The following TCF12 variants were observed in gnomAD, a reference collection of about 807,000 sequenced individuals.
The protein encoded by TCF12 is transcription factor 12.
A neutral mutation model predicts 86.0 loss-of-function variants in TCF12; 45 were observed. That is an observed-to-expected ratio of 0.52 (90% CI 0.41 to 0.67). TCF12 has a LOEUF of 0.67. Ranked by LOEUF, TCF12 falls within the 30% of genes least tolerant of loss-of-function variation. The pLI, the probability that TCF12 is intolerant of heterozygous loss-of-function variation, is 0.00. For missense variants in TCF12, 881 were observed against 859.9 expected, an observed-to-expected ratio of 1.02 and a Z score of -0.31; for synonymous variants, 330 against 299.6, an observed-to-expected ratio of 1.10 and a Z score of -1.05.
chr15:56,933,950 A>G (rs1234334251), intron 3 of TCF12, among the ~76,000 whole-genome samples: 1 of 151,962 alleles, frequency 6.6e-6, no homozygotes, highest in Non-Finnish European at 1.5e-5. Flanking sequence ...TAATATTTGT[A>G]TATAATTCAT....
At position 57,106,166 on chromosome 15, in the gene TCF12, A is replaced by G. The variant is rs181859019; in HGVS notation, c.325+14275A>G. On this transcript the variant is annotated intron_variant, in intron 5 of 20. Coordinates refer to ENST00000333725, the MANE Select transcript of TCF12 (RefSeq NM_207037.2). ...CTTGTTCTAATTTGTGTTAGAAATG[A>G]TACATATCTAAATGCAATGTGGTAT... 2.8e-4 allele frequency among the ~76,000 whole-genome samples: 42 copies of G among 152,340 alleles called. No homozygotes were observed. In the East Asian group the frequency reaches 7.3e-3, roughly 27 times the overall value.
At chr15:56,946,059 T>G (rs1309202247) in intron 3 of TCF12, among the ~76,000 whole-genome samples, 1 of 152,210 alleles carries the variant, frequency 6.6e-6, no homozygotes, top group African/African-American at 2.4e-5. Context: ...TTTCTCAGTC[T>G]CACGTACTCT....
intron 6 of TCF12, among the ~76,000 whole-genome samples, chr15:57,178,416 C>T (rs191938097): frequency 5.3e-5 from 8 of 152,062 alleles, no homozygotes; most frequent in Non-Finnish European, 1.2e-4. Context: ...CTTAATTATA[C>T]TTACAAAAAT....
At chr15:57,029,816 G>A (rs115969432) in intron 3 of TCF12, among the ~76,000 whole-genome samples, 1,653 of 152,188 alleles carry the variant, frequency 0.011, 31 homozygotes, top group African/African-American at 0.037. Flanking sequence ...GCGTATAAAT[G>A]TAATAATACA....
At chr15:57,099,818 A>G (rs1255168491) in intron 5 of TCF12, among the ~76,000 whole-genome samples, 3 of 152,014 alleles carry the variant, frequency 2.0e-5, no homozygotes, top group Admixed American at 2.0e-4. Context: ...TGATCAAAGC[A>G]ATCAACTGTG....
At chr15:57,174,416 G>C (rs2055759475) in intron 6 of TCF12, among the ~76,000 whole-genome samples, 1 of 152,146 alleles carries the variant, frequency 6.6e-6, no homozygotes, top group Admixed American at 6.5e-5. Flanking sequence ...TCCTCAATTT[G>C]ATAAAAGACA....
intron 19 of TCF12, among the ~76,000 whole-genome samples, chr15:57,280,439 A>T (rs1389177665): frequency 6.6e-6 from 1 of 152,168 alleles, no homozygotes; most frequent in Non-Finnish European, 1.5e-5. Context: ...CTAAAATGAA[A>T]TTTTATTAGT....
At chr15:56,997,481 G>A (rs1171018110) in intron 3 of TCF12, among the ~76,000 whole-genome samples, 1 of 152,160 alleles carries the variant, frequency 6.6e-6, no homozygotes, top group Non-Finnish European at 1.5e-5. Flanking sequence ...GGGAGGAAGG[G>A]AAAGGAGTAA....
intron 5 of TCF12, among the ~76,000 whole-genome samples, chr15:57,112,098 TC>T (rs2050531778): frequency 6.6e-6 from 1 of 152,178 alleles, no homozygotes; most frequent in Non-Finnish European, 1.5e-5. Flanking sequence ...CTGCCCCTCA[TC>T]CGTCTTAAGA....
chr15:57,229,525 G>A (rs1333693485), intron 8 of TCF12, among the ~76,000 whole-genome samples: 1 of 151,334 alleles, frequency 6.6e-6, no homozygotes, highest in Non-Finnish European at 1.5e-5. Context: ...AAAGTCACCT[G>A]TGCTAGTATT....
chr15:57,113,157 C>A (rs910912790), intron 5 of TCF12, among the ~76,000 whole-genome samples: 1 of 152,142 alleles, frequency 6.6e-6, no homozygotes, highest in Non-Finnish European at 1.5e-5. Context: ...ACACTCTGGC[C>A]ATATCCCCGT....
chr15:57,098,325 C>T (rs1448717785), intron 5 of TCF12, among the ~76,000 whole-genome samples: 1 of 152,158 alleles, frequency 6.6e-6, no homozygotes, highest in African/African-American at 2.4e-5. Flanking sequence ...TTTGTTTCAT[C>T]TGCTGCCTTT....
At chr15:56,957,173 T>C (rs755091168) in intron 3 of TCF12, among the ~76,000 whole-genome samples, 11 of 152,236 alleles carry the variant, frequency 7.2e-5, no homozygotes, top group Non-Finnish European at 1.5e-4. Context: ...TATCCAAGCC[T>C]CTACAACTGT....
At chr15:57,249,110 A>T (rs1248289488) in intron 13 of TCF12, among the ~76,000 whole-genome samples, 5 of 152,222 alleles carry the variant, frequency 3.3e-5, no homozygotes, top group Admixed American at 3.3e-4. Context: ...TTCAAAATCG[A>T]TTATGATTAA....
intron 3 of TCF12, among the ~76,000 whole-genome samples, chr15:56,982,971 T>A (rs1283850558): frequency 6.6e-6 from 1 of 152,196 alleles, no homozygotes; most frequent in Non-Finnish European, 1.5e-5. Flanking sequence ...GCAAATGAAT[T>A]ATATAAAATG....
intron 4 of TCF12, among the ~76,000 whole-genome samples, chr15:57,089,695 G>T (rs1270327227): frequency 6.6e-6 from 1 of 151,296 alleles, no homozygotes; most frequent in East Asian, 1.9e-4. Flanking sequence ...ATTCAAATGT[G>T]TAGCGTGAAC....
rs796583148 is a variant in TCF12, at chr15:57,275,699, T to C, written c.1978+2437T>C. ...CCAACACTTTCTATAAAAACAGCTT[T>C]TGTTTACATGACCTATTTGGGCATC... On this transcript the variant is annotated intron_variant, in intron 19 of 20. Transcript: ENST00000333725. 3.9e-5 allele frequency among the ~76,000 whole-genome samples: 6 copies of C among 152,254 alleles called. No individual in the cohort carries two copies. In the East Asian group the frequency reaches 5.8e-4, roughly 15 times the overall value.
intron 8 of TCF12, among the ~76,000 whole-genome samples, chr15:57,212,594 A>T (rs1416543419): frequency 6.6e-6 from 1 of 152,134 alleles, no homozygotes; most frequent in Non-Finnish European, 1.5e-5. Flanking sequence ...TTTCCTTTTA[A>T]GAGAGAAAAA....
chr15:56,918,124 C>CA (rs1242673341), upstream of TCF12: 1 of 444,566 alleles, frequency 2.2e-6, no homozygotes, highest in Non-Finnish European at 4.5e-6. Context: ...CCCGTCTCCA[C>CA]ACGCGCGGTG....
Sources: allele counts gnomAD v4.1 joint callset (sites outside exome capture counted in the v4.1 genomes callset), GRCh38; gene constraint gnomAD v4.1.1; transcripts MANE v1.5; gene names NCBI Gene and HGNC (gene_info 2026-07-23, HGNC 2026-07-21).